Variants in DENND2B observed in about 807,000 individuals in gnomAD.
DENND2B encodes the protein DENN domain containing 2B, also known as DENN domain-containing protein 2B.
Under a neutral mutation model 116.0 loss-of-function variants are expected in DENND2B, and 32 were observed. The observed-to-expected ratio is 0.28, with a 90% CI of 0.21 to 0.37. DENND2B has a LOEUF of 0.37. DENND2B is among the 10% of genes least tolerant of loss of function. The pLI is 1.00. For missense variants in DENND2B, 1,276 were observed against 1,477.7 expected, an observed-to-expected ratio of 0.86 and a Z score of 2.24; for synonymous variants, 588 against 583.9, an observed-to-expected ratio of 1.01 and a Z score of -0.10.
At chr11:8,844,142 G>A (rs1307113737) in intron 3 of DENND2B, among the ~76,000 whole-genome samples, 2 of 152,154 alleles carry the variant, frequency 1.3e-5, no homozygotes, top group Non-Finnish European at 2.9e-5. Context: ...GTGCATGCCT[G>A]TAATCCCAGC....
At chr11:8,862,033 G>A (rs532394611) in intron 2 of DENND2B, among the ~76,000 whole-genome samples, 3 of 147,674 alleles carry the variant, frequency 2.0e-5, no homozygotes, top group South Asian at 4.6e-4. Flanking sequence ...ACAGAAGGGG[G>A]AGGAAGGGAG....
intron 4 of DENND2B, chr11:8,832,662 A>G (rs1351039569): frequency 6.6e-6 from 1 of 152,514 alleles, no homozygotes; most frequent in Non-Finnish European, 1.5e-5. Context: ...AGTTGGGCAG[A>G]AAGGAATGCA....
At chr11:8,757,758 T>C (rs1237121286) in intron 1 of DENND2B, among the ~76,000 whole-genome samples, 1 of 152,174 alleles carries the variant, frequency 6.6e-6, no homozygotes, top group Non-Finnish European at 1.5e-5. Flanking sequence ...TTAATTAGCT[T>C]GCTCCAAGTC....
At chr11:8,764,545 G>A (rs1441689893) in intron 1 of DENND2B, among the ~76,000 whole-genome samples, 4 of 152,200 alleles carry the variant, frequency 2.6e-5, no homozygotes, top group Admixed American at 2.0e-4. Flanking sequence ...CCAGAGTCTG[G>A]AGAGGTTGGC....
In DENND2B at chr11:8,726,016, T is replaced by C. The variant is rs375858181; in HGVS notation, c.1477+57A>G. 7 of 1,611,054 alleles carry C rather than the reference T, an allele frequency of 4.3e-6. No homozygotes were observed. In the East Asian group the frequency reaches 1.1e-4, roughly 26 times the overall value. On this transcript the variant is annotated intron_variant, in intron 4 of 19. Coordinates refer to ENST00000313726, the MANE Select transcript of DENND2B (RefSeq NM_213618.2). The stretch of plus-strand genomic sequence containing the variant: ...GGTCAATCTAGGTGTCTCCTCCTGT[T>C]CCTGTTCTTCTGCAGCCCCCTGAGA...
At position 8,702,884 on chromosome 11, in the gene DENND2B, T is replaced by A; in HGVS notation, c.2572-164A>T. 1 of 841,870 alleles carries A rather than the reference T, an allele frequency of 1.2e-6. No homozygotes were observed. The highest frequency in any genetic ancestry group is 1.8e-6 in the Non-Finnish European group (1 of 558,078). 52.2% of individuals were successfully genotyped at this position (841,870 alleles called of 1,614,324 possible). A position where few individuals can be genotyped will look rare whatever the true frequency, so the allele number is the denominator to read the frequency against. On this transcript the variant is annotated intron_variant, in intron 13 of 19. Coordinates refer to ENST00000313726, the MANE Select transcript of DENND2B (RefSeq NM_213618.2). This position sits in a 1 kb window ranked among gnomAD's most constrained non-coding sequence, Gnocchi z 4.6. ...AACCCCTCTTCTCCATCCCTCGGAC[T>A]ACAGCTCTGCTCTCGTAGCACTCGA... is the stretch of plus-strand genomic sequence containing the variant.
At chr11:8,837,902 C>T (rs1001877923) in intron 4 of DENND2B, among the ~76,000 whole-genome samples, 1 of 151,898 alleles carries the variant, frequency 6.6e-6, no homozygotes, top group Admixed American at 6.6e-5. Flanking sequence ...TTCAAATATT[C>T]CTGAGTTTAT....
chr11:8,789,439 A>G (rs900043582), intron 1 of DENND2B, among the ~76,000 whole-genome samples: 1 of 152,196 alleles, frequency 6.6e-6, no homozygotes, highest in African/African-American at 2.4e-5. Flanking sequence ...GAAAACTATA[A>G]TTTCACGATG....
intron 4 of DENND2B, among the ~76,000 whole-genome samples, chr11:8,828,538 G>A (rs958534058): frequency 2.0e-5 from 3 of 152,194 alleles, no homozygotes; most frequent in East Asian, 1.9e-4. Flanking sequence ...TCATCTCTGC[G>A]TTCCTTTCTT....
At chr11:8,731,482 G>A (rs1450208376) in intron 2 of DENND2B, among the ~76,000 whole-genome samples, 1 of 152,168 alleles carries the variant, frequency 6.6e-6, no homozygotes, top group Non-Finnish European at 1.5e-5. Context: ...TCTGTGCCAA[G>A]CGAGAGCATC....
chr11:8,818,338 C>T (rs2061650420), intron 4 of DENND2B, among the ~76,000 whole-genome samples: 1 of 151,904 alleles, frequency 6.6e-6, no homozygotes, highest in South Asian at 2.1e-4. Flanking sequence ...TGACCTTAAC[C>T]TACCATGATT....
At chr11:8,718,461 G>C (rs866177816) in intron 4 of DENND2B, 1 of 1,502,546 alleles carries the variant, frequency 6.7e-7, no homozygotes, top group Middle Eastern at 1.7e-4. Context: ...TTTAGGGCAG[G>C]GTTTTGTGTT....
chr11:8,874,161 C>T (rs922330345), upstream of DENND2B, among the ~76,000 whole-genome samples: 4 of 152,186 alleles, frequency 2.6e-5, no homozygotes, highest in African/African-American at 4.8e-5. Context: ...CTCCTCCACC[C>T]GCAAGCCATT....
rs773972689 is a variant in DENND2B, at chr11:8,750,665, G to A, written c.36C>T (p.Thr12=). ...GGGCTTTAGTGCCACCAGCTCCGTG[G>A]GTGATGCTGGAATTCTTGTTGGCAG... The part of the protein sequence containing the change: ...TMTANKNSSI[T]HGAGGTKAPR... Residue 12 remains threonine (T), a synonymous_variant, in exon 2 of 20, where the codon ACC becomes ACT. Transcript: ENST00000313726. 2.7e-5 allele frequency: 43 copies of A among 1,614,036 alleles called. No individual in the cohort carries two copies. The African/African-American group carries it at 5.5e-4, about 21-fold the overall frequency.
chr11:8,899,284 A>G (rs920977553), intron 1 of DENND2B, among the ~76,000 whole-genome samples: 1 of 138,164 alleles, frequency 7.2e-6, no homozygotes, highest in Non-Finnish European at 1.5e-5. Flanking sequence ...AGAGAAAGGG[A>G]CAGAAAAAAA....
intron 3 of DENND2B, among the ~76,000 whole-genome samples, chr11:8,729,358 G>T (rs1473254020): frequency 6.6e-6 from 1 of 152,160 alleles, no homozygotes; most frequent in East Asian, 1.9e-4. Flanking sequence ...ACCAACGTGA[G>T]CCTCGGAACA....
intron 2 of DENND2B, among the ~76,000 whole-genome samples, chr11:8,746,446 C>A (rs1464088038): frequency 6.6e-6 from 1 of 152,210 alleles, no homozygotes; most frequent in Non-Finnish European, 1.5e-5. Flanking sequence ...ACTCTAACAT[C>A]CCAACAGAGA....
intron 1 of DENND2B, among the ~76,000 whole-genome samples, chr11:8,766,029 AAAAC>A (rs2055696303): frequency 6.6e-6 from 1 of 152,298 alleles, no homozygotes; most frequent in Admixed American, 6.5e-5. Flanking sequence ...ACTTCATATA[AAAAC>A]AAACAAAAAA....
At chr11:8,854,743 C>T (rs1277131203) in intron 3 of DENND2B, among the ~76,000 whole-genome samples, 1 of 151,946 alleles carries the variant, frequency 6.6e-6, no homozygotes, top group Non-Finnish European at 1.5e-5. Flanking sequence ...GACAGAGTCT[C>T]ACTCTGCCAC....
Sources: allele counts gnomAD v4.1 joint callset (sites outside exome capture counted in the v4.1 genomes callset), GRCh38; gene constraint gnomAD v4.1.1; non-coding constraint Gnocchi (gnomAD v3.1); transcripts MANE v1.5; gene names NCBI Gene and HGNC (gene_info 2026-07-23, HGNC 2026-07-21).